Variants in GSTK1 observed in about 807,000 individuals in gnomAD.
GSTK1 encodes the protein GST class-kappa.
Under a neutral mutation model 30.9 loss-of-function variants are expected in GSTK1, and 25 were observed. The ratio of observed to expected loss-of-function variants is 0.81; its 90% confidence interval spans 0.59 to 1.13. GSTK1 has a LOEUF of 1.13. Among genes scored for constraint, GSTK1 ranks in the 50% most tolerant of loss-of-function variants. GSTK1 has a pLI of 0.00. For synonymous variants in GSTK1, 108 were observed against 112.5 expected, an observed-to-expected ratio of 0.96 and a Z score of 0.25; for missense variants, 292 against 292.4, an observed-to-expected ratio of 1.00 and a Z score of 0.01.
intron 5 of GSTK1, among the ~76,000 whole-genome samples, chr7:143,266,653 C>CTTTTTTTTTTTTTT (rs35527374): frequency 7.9e-5 from 5 of 63,322 alleles, no homozygotes; most frequent in East Asian, 3.7e-4. Flanking sequence ...TTCTTTCTTT[C>CTTTTTTTTTTTTTT]TTTTTTTTTT....
At position 143,264,144 on chromosome 7, in the gene GSTK1, T is replaced by G. The variant is rs767688430; in HGVS notation, c.131T>G (p.Ile44Arg). The change falls in exon 2 of 8, where the codon ATA becomes AGA. Residue 44 changes from isoleucine to arginine, a missense_variant. Transcript: ENST00000358406. ...NINLQLRPSL[I>R]TGIMKDSGNK... ...AACCTGCAGTTGCGGCCCAGCCTCA[T>G]AACAGGGATCATGAAAGACAGTGGT... The G allele has an allele frequency of 1.2e-6, 2 of 1,613,806 alleles. No individual in the cohort carries two copies. The highest frequency in any genetic ancestry group is 8.5e-7 in the Non-Finnish European group (1 of 1,179,874).
Position 143,268,221 on chromosome 7 carries a change from A to T in GSTK1, c.631+37A>T, listed in dbSNP as rs373404813. 73 of 1,499,662 alleles carry T rather than the reference A, an allele frequency of 4.9e-5. No individual in the cohort carries two copies. Among genetic ancestry groups the T allele is most frequent in the Non-Finnish European group, 6.3e-5 (68 of 1,081,300 alleles). 92.9% of individuals were successfully genotyped at this position (1,499,662 alleles called of 1,614,324 possible). ...AAAGAATCAACCCTGAGCCAGGTGC[A>T]GTGGCTCACGCCTGTAATCCCAGCA... On this transcript the variant is annotated intron_variant, in intron 7 of 7. Transcript: ENST00000358406. The surrounding 1 kb of genome is among the most constrained non-coding windows in gnomAD (Gnocchi z 4.1).
In GSTK1 at chr7:143,268,847, G is replaced by C. The variant is rs1472902559; in HGVS notation, c.*10G>C. ...GAATGCCAGACTTTAAGATTGCCCG[G>C]AGGAAGCAAACTCTTCGTATAAAAA... On this transcript the variant is annotated 3_prime_UTR_variant, in exon 8 of 8. Coordinates refer to ENST00000358406, the MANE Select transcript of GSTK1 (RefSeq NM_015917.3). This position sits in a 1 kb window ranked among gnomAD's most constrained non-coding sequence, Gnocchi z 4.1. 6.2e-7 allele frequency: 1 copy of C among 1,613,164 alleles called. No homozygotes were observed. The highest frequency in any genetic ancestry group is 1.7e-5 in the Admixed American group (1 of 59,992).
chr7:143,264,180 G>C lies in GSTK1; in HGVS notation c.154+13G>C, dbSNP rs1211526671. 1 of 1,610,622 alleles carries C rather than the reference G, an allele frequency of 6.2e-7. No homozygotes were observed. Among genetic ancestry groups the C allele is most frequent in the Non-Finnish European group, 8.5e-7 (1 of 1,176,872 alleles). On this transcript the variant is annotated intron_variant, in intron 2 of 7. Transcript: ENST00000358406. Reference sequence around the variant, plus strand: ...ATGAAAGACAGTGGTAGGAAGGGAGGGTCGGGGCAGGGGTGATCTCAGTGG... The same window carrying C: ...ATGAAAGACAGTGGTAGGAAGGGAGCGTCGGGGCAGGGGTGATCTCAGTGG...
In GSTK1 at chr7:143,266,653, C is replaced by CTTT. The variant is rs35527374; in HGVS notation, c.421-940_421-938dup. Among the ~76,000 whole-genome samples, 315 of 63,292 alleles carry CTTT rather than the reference C, an allele frequency of 5.0e-3. 1 individual carries two copies. Among genetic ancestry groups the CTTT allele is most frequent in the Middle Eastern group, 0.016 (1 of 62 alleles). The allele number at this position is 63,292 out of a possible 152,430, so 41.5% of individuals were successfully genotyped here. ...TTCTTGTTCTTTTTTTTCTTTCTTT[C>CTTT]TTTTTTTTTTTTTTTTTTTTTTTTT... On this transcript the variant is annotated intron_variant, in intron 5 of 7. Transcript: ENST00000358406.
chr7:143,267,205 T>C (rs934708682), intron 5 of GSTK1, among the ~76,000 whole-genome samples: 3 of 152,214 alleles, frequency 2.0e-5, no homozygotes, highest in African/African-American at 7.2e-5. Context: ...ACTTAGGAAC[T>C]GTGAGAGGTA....
chr7:143,268,762 CAG>C lies in GSTK1; in HGVS notation c.632-23_632-22del. 1 of 1,609,132 alleles carries C rather than the reference CAG, an allele frequency of 6.2e-7. No homozygotes were observed. The highest frequency in any genetic ancestry group is 8.5e-7 in the Non-Finnish European group (1 of 1,175,482). ...TGCCAGAACACCTGAGAACAGTGTG[CAG>C]AGTCTGTTGTTTTCTTCATCCAGGA... On this transcript the variant is annotated intron_variant, in intron 7 of 7. Coordinates refer to ENST00000358406, the MANE Select transcript of GSTK1 (RefSeq NM_015917.3). This position sits in a 1 kb window ranked among gnomAD's most constrained non-coding sequence, Gnocchi z 4.1.
chr7:143,268,803 G>A lies in GSTK1; in HGVS notation c.647G>A (p.Gly216Asp), dbSNP rs1297644072. The A allele has an allele frequency of 6.2e-7, 1 of 1,613,844 alleles. No individual in the cohort carries two copies. Among genetic ancestry groups the A allele is most frequent in the South Asian group, 1.1e-5 (1 of 91,078 alleles). ...CTTCATCCAGGAGAGAAGTGGATGG[G>A]CCCTATACCTCCAGCCGTGAATGCC... Reference protein sequence around the residue: ...LAHLLGEKWMGPIPPAVNARL With the variant: ...LAHLLGEKWMDPIPPAVNARL Residue 216 changes from glycine to aspartate, a missense_variant, in exon 8 of 8, where the codon GGC becomes GAC. Physicochemically the swap from Gly to Asp is moderately conservative, Grantham distance 94. Coordinates refer to ENST00000358406, the MANE Select transcript of GSTK1 (RefSeq NM_015917.3). The surrounding 1 kb of genome is among the most constrained non-coding windows in gnomAD (Gnocchi z 4.1).
At chr7:143,265,192 G>A (rs1036981232) in intron 4 of GSTK1, 69 bp from the exon 5 acceptor site, 1 of 1,606,750 alleles carries the variant, frequency 6.2e-7, no homozygotes, top group African/African-American at 1.3e-5. Flanking sequence ...CCCGCCCGGG[G>A]GATCTACTGT....
rs1364878407 is a variant in GSTK1, at chr7:143,267,698, C to T, written c.502C>T (p.Leu168Phe). Residue 168 changes from leucine to phenylalanine, a missense_variant, in exon 6 of 8, where the codon CTC (leucine) becomes TTC (phenylalanine). By Grantham distance (22) the Leu-to-Phe change is conservative. Transcript: ENST00000358406. ...KIATPKVKNQ[L>F]KETTEAACRY... is the part of the protein sequence containing the mutation. ...CGCAACGCCAAAGGTGAAGAACCAG[C>T]TCAAGGAGACCACTGAGGCAGCCTG... 4 of 1,613,874 alleles carry T rather than the reference C, an allele frequency of 2.5e-6. No homozygotes were observed. Among genetic ancestry groups the T allele is most frequent in the African/African-American group, 2.7e-5 (2 of 74,924 alleles).
Position 143,263,648 on chromosome 7 carries a change from G to T in GSTK1, c.72+63G>T, listed in dbSNP as rs866577768. The stretch of plus-strand genomic sequence containing the variant: ...AGTGAGGGCGGAGGGAAGAGTGAGC[G>T]CAGGGCTCCGGGACAGAGGTCTCGT... On this transcript the variant is annotated intron_variant, in intron 1 of 7. Transcript: ENST00000358406. 9 of 1,474,502 alleles carry T rather than the reference G, an allele frequency of 6.1e-6. No individual in the cohort carries two copies. In the Middle Eastern group the frequency reaches 1.6e-3, roughly 257 times the overall value. The allele number at this position is 1,474,502 out of a possible 1,614,324, so 91.3% of individuals were successfully genotyped here. A position where few individuals can be genotyped will look rare whatever the true frequency, so the allele number is the denominator to read the frequency against.
chr7:143,264,044 C>T (rs945392961), intron 1 of GSTK1, 42 bp from the exon 2 acceptor site: 38 of 1,579,308 alleles, frequency 2.4e-5, no homozygotes, highest in Non-Finnish European at 3.0e-5. Context: ...TTTCACTTTT[C>T]CATCTTGCAC....
intron 1 of GSTK1, 124 bp downstream of exon 1, chr7:143,263,709 C>A: frequency 1.2e-6 from 1 of 838,796 alleles, no homozygotes; most frequent in Non-Finnish European, 1.9e-6. Context: ...TTAAGGCAAG[C>A]AGGGAGAGCT....
chr7:143,265,142 T>C, intron 4 of GSTK1, 50 bp downstream of exon 4: 1 of 1,613,362 alleles, frequency 6.2e-7, no homozygotes, highest in Non-Finnish European at 8.5e-7. Flanking sequence ...GATGACTTTC[T>C]GACCTTCCCC....
Position 143,265,299 on chromosome 7 carries a change from G to T in GSTK1, c.420+3G>T, listed in dbSNP as rs1188750064. 2.5e-6 allele frequency: 4 copies of T among 1,596,544 alleles called. No individual in the cohort carries two copies. The South Asian group carries it at 4.5e-5, about 18-fold the overall frequency. ...CCGAGCCGCAGAGCATCCTGGCGGT[G>T]AGTGTCCTGGCTCCACCCCAACTGC... On this transcript the variant is annotated splice_donor_region_variant and intron_variant, in intron 5 of 7. Transcript: ENST00000358406.
intron 6 of GSTK1, 21 bp downstream of exon 6, chr7:143,267,754 G>C (rs376062844): frequency 6.6e-6 from 10 of 1,504,728 alleles, no homozygotes; most frequent in African/African-American, 1.4e-5. Flanking sequence ...CTTTATGTGT[G>C]TTCCCAGCAC....
Position 143,264,542 on chromosome 7 carries a change from T to A in GSTK1, c.155-6T>A, listed in dbSNP as rs1233102828. 1.9e-6 allele frequency: 3 copies of A among 1,613,980 alleles called. No homozygotes were observed. Among genetic ancestry groups the A allele is most frequent in the Non-Finnish European group, 2.5e-6 (3 of 1,179,868 alleles). ...TCACTTAGCGTGCCCAACCTTCTCC[T>A]GGCAGGAAACAAGCCTCCAGGTCTG... is the stretch of plus-strand genomic sequence containing the variant. On this transcript the variant is annotated splice_region_variant and splice_polypyrimidine_tract_variant and intron_variant, in intron 2 of 7. Coordinates refer to ENST00000358406, the MANE Select transcript of GSTK1 (RefSeq NM_015917.3).
chr7:143,267,660 T>A lies in GSTK1; in HGVS notation c.464T>A (p.Leu155His). Residue 155 changes from leucine (L) to histidine (H), a missense_variant, in exon 6 of 8, where the codon CTT becomes CAT. Physicochemically the swap from Leu to His is moderately conservative, Grantham distance 99 (BLOSUM62 -3). Transcript: ENST00000358406. ...AGMSAEQAQG[L>H]LEKIATPKVK... ...ATGTCTGCAGAACAAGCCCAGGGAC[T>A]TCTGGAAAAGATCGCAACGCCAAAG... is the stretch of plus-strand genomic sequence containing the variant. 1 of 1,614,148 alleles carries A rather than the reference T, an allele frequency of 6.2e-7. No individual in the cohort carries two copies. The highest frequency in any genetic ancestry group is 8.5e-7 in the Non-Finnish European group (1 of 1,180,020).
At chr7:143,264,771 A>G (rs760460362) in intron 3 of GSTK1, 95 bp downstream of exon 3, 68 of 1,512,652 alleles carry the variant, frequency 4.5e-5, no homozygotes, top group Non-Finnish European at 5.8e-5. Context: ...GGGAGACTAA[A>G]GCAAGTGAAG....
Sources: allele counts gnomAD v4.1 joint callset (sites outside exome capture counted in the v4.1 genomes callset), GRCh38; gene constraint gnomAD v4.1.1; non-coding constraint Gnocchi (gnomAD v3.1); transcripts MANE v1.5; gene names NCBI Gene and HGNC (gene_info 2026-07-23, HGNC 2026-07-21).